The following REV3L variants were observed in gnomAD, a reference collection of about 807,000 sequenced individuals.
REV3L encodes the protein REV3 like, DNA directed polymerase zeta catalytic subunit.
REV3L carries 69 observed loss-of-function variants against 299.4 expected under a neutral mutation model. That is an observed-to-expected ratio of 0.23 (90% confidence interval 0.19 to 0.28). The LOEUF (loss-of-function observed/expected upper bound fraction) is 0.28. REV3L is among the 10% of genes least tolerant of loss of function. The probability of loss-of-function intolerance (pLI) is 1.00; values close to 1 mark genes in which losing one functional copy is unlikely to be tolerated. For synonymous variants in REV3L, 1,238 were observed against 1,271.4 expected (o/e 0.97, Z 0.56); for missense variants, 3,128 against 3,693.8 (o/e 0.85, Z 3.97).
At chr6:111,435,268 A>T (rs909762351) in intron 1 of REV3L, among the ~76,000 whole-genome samples, 1 of 152,242 alleles carries the variant, frequency 6.6e-6, no homozygotes, top group African/African-American at 2.4e-5. Context: ...TGGAATCCCT[A>T]TCAACGTATA....
intron 1 of REV3L, among the ~76,000 whole-genome samples, chr6:111,438,633 A>T (rs538869528): frequency 2.6e-4 from 40 of 152,316 alleles, no homozygotes; most frequent in Admixed American, 3.9e-4. Context: ...ATATTTGAAC[A>T]GGCTCCTCAC....
At chr6:111,450,622 C>CA (rs1053422836) in intron 1 of REV3L, among the ~76,000 whole-genome samples, 1 of 138,798 alleles carries the variant, frequency 7.2e-6, no homozygotes, top group Non-Finnish European at 1.6e-5. Flanking sequence ...CAAAACAAAA[C>CA]AAAAAAGGTA....
Position 111,363,922 on chromosome 6 carries a change from T to C in REV3L, c.6810A>G (p.Pro2270=), listed in dbSNP as rs1778948540. 1 of 1,613,364 alleles carries C rather than the reference T, an allele frequency of 6.2e-7. No homozygotes were observed. Among genetic ancestry groups the C allele is most frequent in the African/African-American group, 1.3e-5 (1 of 74,876 alleles). The stretch of plus-strand genomic sequence containing the variant: ...TGAAACCGTAAGTATTGTTTAAAGA[T>C]GGTCCATCAATCTGAGAAGTTTCTT... ...PQKETSQIDG[P]SLNNTYGFKV... Residue 2270 remains proline (P), a synonymous_variant, in exon 16 of 32, where the codon CCA becomes CCG. Coordinates refer to ENST00000368802, the MANE Select transcript of REV3L (RefSeq NM_001372078.1).
chr6:111,469,804 A>G (rs1472851334), intron 1 of REV3L, among the ~76,000 whole-genome samples: 1 of 152,242 alleles, frequency 6.6e-6, no homozygotes, highest in Non-Finnish European at 1.5e-5. Flanking sequence ...CATAAGCTGC[A>G]GCAGAATTGC....
chr6:111,379,877 GT>G (rs2115120482), intron 11 of REV3L, 104 bp downstream of exon 11: 1 of 755,450 alleles, frequency 1.3e-6, no homozygotes, highest in East Asian at 2.5e-5. Flanking sequence ...CATCAATTTA[GT>G]TCATAAGGTA....
intron 30 of REV3L, chr6:111,308,239 T>C (rs1334278870): frequency 8.8e-6 from 4 of 453,906 alleles, no homozygotes; most frequent in South Asian, 6.2e-5. Context: ...AGTGCCGCAA[T>C]AAATCCCTTT....
intron 1 of REV3L, among the ~76,000 whole-genome samples, chr6:111,462,262 T>C (rs1306862531): frequency 6.6e-6 from 1 of 152,210 alleles, no homozygotes; most frequent in East Asian, 1.9e-4. Flanking sequence ...TGTATGAAAT[T>C]CATGGCAAAC....
chr6:111,398,232 G>A (rs1285223250), intron 4 of REV3L, among the ~76,000 whole-genome samples: 1 of 151,738 alleles, frequency 6.6e-6, no homozygotes, highest in Non-Finnish European at 1.5e-5. Context: ...CAAACTATAG[G>A]AATGTTCCCT....
intron 4 of REV3L, among the ~76,000 whole-genome samples, chr6:111,394,539 T>G (rs1206308339): frequency 6.6e-6 from 1 of 152,120 alleles, no homozygotes; most frequent in East Asian, 1.9e-4. Context: ...TTTGCAAATA[T>G]TTTCTCTCAT....
intron 26 of REV3L, 37 bp downstream of exon 26, chr6:111,322,532 G>T (rs747776127): frequency 2.1e-6 from 3 of 1,434,124 alleles, no homozygotes; most frequent in African/African-American, 2.8e-5. Context: ...GATCTAGAGA[G>T]ATGCAAAAGA....
chr6:111,318,025 G>A (rs1036214041), intron 26 of REV3L, among the ~76,000 whole-genome samples: 3 of 151,982 alleles, frequency 2.0e-5, no homozygotes, highest in Non-Finnish European at 2.9e-5. Context: ...GGACTATTAC[G>A]AACAAAGCTC....
chr6:111,347,930 C>G (rs1017225311), intron 20 of REV3L, among the ~76,000 whole-genome samples: 7 of 152,044 alleles, frequency 4.6e-5, no homozygotes, highest in Admixed American at 1.3e-4. Context: ...GTAGCTGTTG[C>G]CTGGCTACAC....
At chr6:111,468,862 A>T (rs949462464) in intron 1 of REV3L, among the ~76,000 whole-genome samples, 2 of 152,160 alleles carry the variant, frequency 1.3e-5, no homozygotes, top group Non-Finnish European at 2.9e-5. Context: ...GGCCACTTTT[A>T]AAAACTTGGA....
At chr6:111,301,126 G>A (rs1444625191) in intron 31 of REV3L, among the ~76,000 whole-genome samples, 6 of 151,516 alleles carry the variant, frequency 4.0e-5, no homozygotes, top group Admixed American at 2.0e-4. Context: ...TTGTAGACAC[G>A]GGATGAAATA....
intron 30 of REV3L, chr6:111,307,927 C>A (rs541739681): frequency 3.9e-5 from 11 of 281,188 alleles, no homozygotes; most frequent in South Asian, 3.4e-4. Flanking sequence ...TAATGCTATC[C>A]CTCCCCCAGC....
intron 14 of REV3L, 112 bp downstream of exon 14, chr6:111,367,003 G>T: frequency 2.4e-6 from 2 of 822,576 alleles, no homozygotes; most frequent in Non-Finnish European, 3.5e-6. Flanking sequence ...AAAAATATTT[G>T]CTGAGCTATA....
intron 1 of REV3L, among the ~76,000 whole-genome samples, chr6:111,455,374 G>A (rs1274142342): frequency 6.6e-6 from 1 of 152,144 alleles, no homozygotes; most frequent in Non-Finnish European, 1.5e-5. Flanking sequence ...AAAGTCATGA[G>A]GTACATACAT....
At chr6:111,301,770 CAAT>C (rs17540290) in intron 31 of REV3L, among the ~76,000 whole-genome samples, 41 of 151,840 alleles carry the variant, frequency 2.7e-4, no homozygotes, top group African/African-American at 9.4e-4. Context: ...ATGTTTTACA[CAAT>C]GATCAATTTT....
chr6:111,407,404 G>A (rs191291289), intron 3 of REV3L, among the ~76,000 whole-genome samples: 1 of 152,270 alleles, frequency 6.6e-6, no homozygotes, highest in Admixed American at 6.5e-5. Context: ...AACCATAGAT[G>A]TTAAAATGTA....
Sources: gnomAD v4.1 joint callset for allele counts (sites outside exome capture counted in the v4.1 genomes callset) on GRCh38, gnomAD v4.1.1 for gene constraint, MANE v1.5 for transcripts, NCBI Gene and HGNC (gene_info 2026-07-23, HGNC 2026-07-21) for gene names.